The following MSI2 variants were observed in gnomAD, a reference collection of about 807,000 sequenced individuals.
The protein encoded by MSI2 is musashi RNA binding protein 2.
A neutral mutation model predicts 45.6 loss-of-function variants in MSI2; 17 were observed. The observed-to-expected ratio is 0.37, with a 90% CI of 0.26 to 0.56. MSI2 has a LOEUF of 0.56. Ranked by LOEUF, MSI2 falls within the 20% of genes least tolerant of loss-of-function variation. The pLI is 0.77. For synonymous variants in MSI2, 156 were observed against 158.2 expected (o/e 0.99, Z 0.11); for missense variants, 293 against 444.2 (o/e 0.66, Z 3.06).
intron 10 of MSI2, chr17:57,632,910 T>C: frequency 9.4e-7 from 1 of 1,059,882 alleles, no homozygotes; most frequent in Non-Finnish European, 1.1e-6. Context: ...TAATAATTGG[T>C]TAGTTTCCTT....
intron 7 of MSI2, among the ~76,000 whole-genome samples, chr17:57,568,160 C>G (rs533215987): frequency 1.1e-4 from 17 of 152,182 alleles, no homozygotes; most frequent in Non-Finnish European, 2.4e-4. Context: ...CGAGAGGGGA[C>G]GTGAGGACAT....
intron 10 of MSI2, among the ~76,000 whole-genome samples, chr17:57,649,532 T>C (rs951647239): frequency 6.6e-6 from 1 of 151,606 alleles, no homozygotes; most frequent in Non-Finnish European, 1.5e-5. Context: ...CTGACACACA[T>C]ACACTTAACA....
At chr17:57,634,811 C>T (rs1360167206) in intron 10 of MSI2, among the ~76,000 whole-genome samples, 1 of 152,242 alleles carries the variant, frequency 6.6e-6, no homozygotes, top group African/African-American at 2.4e-5. Context: ...TCATTCTACT[C>T]TCTTCAGCAT....
At chr17:57,554,240 G>A (rs193107568) in intron 7 of MSI2, among the ~76,000 whole-genome samples, 2 of 149,176 alleles carry the variant, frequency 1.3e-5, no homozygotes, top group East Asian at 3.9e-4. Flanking sequence ...GGCGGGGGAG[G>A]GGGGGGATGG....
intron 7 of MSI2, among the ~76,000 whole-genome samples, chr17:57,563,968 G>A (rs1024863539): frequency 5.3e-5 from 8 of 152,168 alleles, no homozygotes; most frequent in Admixed American, 2.6e-4. Context: ...GCCAGAATGG[G>A]CCTGGGCACC....
At chr17:57,409,813 C>T (rs987860324) in intron 6 of MSI2, among the ~76,000 whole-genome samples, 1 of 152,006 alleles carries the variant, frequency 6.6e-6, no homozygotes, top group Admixed American at 6.6e-5. Flanking sequence ...TCGAGACCAG[C>T]CTGGCCAACA....
At chr17:57,563,603 C>A (rs2087641751) in intron 7 of MSI2, among the ~76,000 whole-genome samples, 1 of 152,108 alleles carries the variant, frequency 6.6e-6, no homozygotes, top group African/African-American at 2.4e-5. Context: ...CAATCCATGT[C>A]AGTAATCTCC....
At chr17:57,306,067 C>A (rs1911857882) in intron 5 of MSI2, among the ~76,000 whole-genome samples, 1 of 151,996 alleles carries the variant, frequency 6.6e-6, no homozygotes, top group African/African-American at 2.4e-5. Context: ...CCTGGTGGGG[C>A]TTTCCTTCTG....
At chr17:57,636,631 C>T (rs903992959) in intron 10 of MSI2, among the ~76,000 whole-genome samples, 2 of 152,232 alleles carry the variant, frequency 1.3e-5, no homozygotes, top group Non-Finnish European at 2.9e-5. Context: ...ATCTTGTCTG[C>T]GGAGGCGATT....
At chr17:57,691,093 C>A in the MSI2 span, among the ~76,000 whole-genome samples, 6 of 151,928 alleles carry the variant, frequency 3.9e-5, no homozygotes, top group Non-Finnish European at 7.4e-5. Flanking sequence ...TTTTGTTGTA[C>A]CTTTGTCAAA....
intron 5 of MSI2, among the ~76,000 whole-genome samples, chr17:57,282,122 T>A (rs1243710777): frequency 6.6e-6 from 1 of 152,198 alleles, no homozygotes; most frequent in Non-Finnish European, 1.5e-5. Context: ...CCTTGCTTTA[T>A]GACCTTGGGG....
At chr17:57,431,173 G>A (rs1413856506) in intron 6 of MSI2, among the ~76,000 whole-genome samples, 1 of 152,132 alleles carries the variant, frequency 6.6e-6, no homozygotes, top group Non-Finnish European at 1.5e-5. Context: ...CAGTTTTTCT[G>A]TAACTGGCAC....
intron 5 of MSI2, among the ~76,000 whole-genome samples, chr17:57,361,477 C>T (rs1916808356): frequency 2.0e-5 from 3 of 151,574 alleles, no homozygotes; most frequent in Non-Finnish European, 4.4e-5. Flanking sequence ...CATGGTGGCT[C>T]ATGCCTGTAG....
intron 5 of MSI2, among the ~76,000 whole-genome samples, chr17:57,365,517 G>T (rs2143927396): frequency 6.6e-6 from 1 of 152,306 alleles, no homozygotes; most frequent in African/African-American, 2.4e-5. Flanking sequence ...TACAAGTTGG[G>T]ATGGGTGTTC....
At chr17:57,639,349 C>G (rs574285012) in intron 10 of MSI2, among the ~76,000 whole-genome samples, 125 of 152,374 alleles carry the variant, frequency 8.2e-4, no homozygotes, top group African/African-American at 2.8e-3. Context: ...CCTCGCATTC[C>G]TACCTCCATG....
intron 6 of MSI2, among the ~76,000 whole-genome samples, chr17:57,471,881 G>C (rs941105420): frequency 1.3e-5 from 2 of 152,184 alleles, no homozygotes; most frequent in Non-Finnish European, 2.9e-5. Flanking sequence ...GAGGAGAGGA[G>C]AGGGGAGGGG....
At chr17:57,373,718 G>A (rs980320300) in intron 5 of MSI2, among the ~76,000 whole-genome samples, 7 of 152,156 alleles carry the variant, frequency 4.6e-5, no homozygotes, top group African/African-American at 1.7e-4. Context: ...AACCACAGCC[G>A]CACTGTCCCC....
chr17:57,258,124 G>C (rs374069074), intron 3 of MSI2, 146 bp from the exon 4 acceptor site: 1 of 665,410 alleles, frequency 1.5e-6, no homozygotes. Flanking sequence ...GCTGTAGGCA[G>C]GAGGGGAATT....
intron 7 of MSI2, among the ~76,000 whole-genome samples, chr17:57,556,135 T>A (rs1314996204): frequency 2.6e-5 from 4 of 152,256 alleles, no homozygotes; most frequent in African/African-American, 9.6e-5. Context: ...AAACATTTAA[T>A]GTTTTTTTCT....
Sources: gnomAD v4.1 joint callset for allele counts (sites outside exome capture counted in the v4.1 genomes callset) on GRCh38, gnomAD v4.1.1 for gene constraint, MANE v1.5 for transcripts, NCBI Gene and HGNC (gene_info 2026-07-23, HGNC 2026-07-21) for gene names.